Variants in TSPAN33 observed in about 807,000 individuals in gnomAD.
TSPAN33 encodes the protein tetraspanin 33.
A neutral mutation model predicts 34.8 loss-of-function variants in TSPAN33; 27 were observed. That is an observed-to-expected ratio of 0.78 (90% CI 0.57 to 1.07). TSPAN33 has a LOEUF of 1.07. Ranked by LOEUF, TSPAN33 falls within the 50% of genes least tolerant of loss-of-function variation. TSPAN33 has a pLI of 0.00. For synonymous variants in TSPAN33, 119 were observed against 124.2 expected (o/e 0.96, Z 0.28); for missense variants, 272 against 324.9 (o/e 0.84, Z 1.25).
intron 1 of TSPAN33, among the ~76,000 whole-genome samples, chr7:129,152,020 G>A (rs1488337284): frequency 1.3e-5 from 2 of 152,118 alleles, no homozygotes; most frequent in Non-Finnish European, 2.9e-5. Flanking sequence ...AATCCAAATC[G>A]AGGGACATTC....
chr7:129,155,104 G>A (rs1304258721), intron 1 of TSPAN33, among the ~76,000 whole-genome samples: 1 of 152,204 alleles, frequency 6.6e-6, no homozygotes, highest in Non-Finnish European at 1.5e-5. Context: ...CCTGTCATTC[G>A]TGACATAGAC....
At chr7:129,157,998 G>A (rs1792982627) in intron 1 of TSPAN33, among the ~76,000 whole-genome samples, 1 of 152,190 alleles carries the variant, frequency 6.6e-6, no homozygotes, top group East Asian at 1.9e-4. Flanking sequence ...CTAAAATACA[G>A]CAGCCCCGCA....
Position 129,167,766 on chromosome 7 carries a change from C to G in TSPAN33, c.751-7C>G. ...CTGAGTGCCCAATTCCTTCTTGCCT[C>G]TCCCAGCTGGTGGGAATTCTGCTGT... On this transcript the variant is annotated splice_polypyrimidine_tract_variant and splice_region_variant and intron_variant, in intron 7 of 7. Coordinates refer to ENST00000486685, the MANE Select transcript of TSPAN33 (RefSeq NM_178562.5). This position sits in a 1 kb window ranked among gnomAD's most constrained non-coding sequence, Gnocchi z 4.6. 1 of 1,613,988 alleles carries G rather than the reference C, an allele frequency of 6.2e-7. No individual in the cohort carries two copies. Among genetic ancestry groups the G allele is most frequent in the African/African-American group, 1.3e-5 (1 of 75,052 alleles).
chr7:129,150,372 C>G, intron 1 of TSPAN33, among the ~76,000 whole-genome samples: 1 of 152,190 alleles, frequency 6.6e-6, no homozygotes, highest in Non-Finnish European at 1.5e-5. Flanking sequence ...TCTTCCTTCC[C>G]CTGCCTGAAA....
rs1793203088 is a variant in TSPAN33 at position 129,169,641 on chromosome 7, C to G, written c.*1767C>G. ...CGCTGGGACCCTGGCCAGTGTTTAG[C>G]TCCCAACTAGTAACAGACGGAAAGA... On this transcript the variant is annotated 3_prime_UTR_variant, in exon 8 of 8. Transcript: ENST00000486685. 1 of 152,270 alleles carries G rather than the reference C, an allele frequency of 6.6e-6. No individual in the cohort carries two copies. The highest frequency in any genetic ancestry group is 1.5e-5 in the Non-Finnish European group (1 of 68,058). 9.4% of individuals were successfully genotyped at this position (152,270 alleles called of 1,614,324 possible).
intron 5 of TSPAN33, 171 bp downstream of exon 5, chr7:129,164,740 A>G (rs74858792): frequency 0.02 from 12,292 of 607,980 alleles, 163 homozygotes; most frequent in East Asian, 0.043. Context: ...GTACTTTTAA[A>G]GACACAGAAC....
Position 129,144,750 on chromosome 7 carries a change from G to A in TSPAN33, c.-231G>A, listed in dbSNP as rs1484428769. ...GGGCTGGTCCTGCGGCCGCGGGTGA[G>A]TCTCGTCCGCTCGCGCTGCCCACCG... On this transcript the variant is annotated 5_prime_UTR_variant, in exon 1 of 8. Transcript: ENST00000486685. The A allele has an allele frequency of 6.6e-6, 1 of 151,658 alleles. No individual in the cohort carries two copies. Among genetic ancestry groups the A allele is most frequent in the Non-Finnish European group, 1.5e-5 (1 of 67,976 alleles). The allele number at this position is 151,658 out of a possible 1,614,324, so 9.4% of individuals were successfully genotyped here.
At chr7:129,161,880 G>A in intron 2 of TSPAN33, 144 bp downstream of exon 2, 1 of 919,834 alleles carries the variant, frequency 1.1e-6, no homozygotes, top group Non-Finnish European at 1.7e-6. Flanking sequence ...CTACGTAGGT[G>A]TCAGACCCCC....
In TSPAN33 at chr7:129,167,693, G is replaced by C. The variant is rs1793163170; in HGVS notation, c.751-80G>C. 1 of 1,568,686 alleles carries C rather than the reference G, an allele frequency of 6.4e-7. No individual in the cohort carries two copies. The highest frequency in any genetic ancestry group is 1.7e-5 in the Admixed American group (1 of 59,590). On this transcript the variant is annotated intron_variant, in intron 7 of 7. Transcript: ENST00000486685. This position sits in a 1 kb window ranked among gnomAD's most constrained non-coding sequence, Gnocchi z 4.6. ...AGGGGTAGGGAAAGGGATAGTGCTG[G>C]CCGCACTGGGAAGATCGAGCCAGGG...
In TSPAN33 at chr7:129,160,861, C is replaced by A. The variant is rs148676998; in HGVS notation, c.103-818C>A. On this transcript the variant is annotated intron_variant, in intron 1 of 7. Coordinates refer to ENST00000486685, the MANE Select transcript of TSPAN33 (RefSeq NM_178562.5). The stretch of plus-strand genomic sequence containing the variant: ...TCAAAACTTTTCCATTTATGTGTGA[C>A]CCTGGGCAAGTTAACTATTAATAAT... Among the ~76,000 whole-genome samples the A allele has an allele frequency of 1.3e-3, 205 of 152,276 alleles. 1 individual carries two copies. Among genetic ancestry groups the A allele is most frequent in the African/African-American group, 4.7e-3 (197 of 41,544 alleles).
At position 129,155,636 on chromosome 7, in the gene TSPAN33, T is replaced by C. The variant is rs550315669; in HGVS notation, c.103-6043T>C. ...TTTGTTGTAATTAATAGTATTATCA[T>C]TATGGTCTACACTTTATTGGTTTTT... is the stretch of plus-strand genomic sequence containing the variant. On this transcript the variant is annotated intron_variant, in intron 1 of 7. Transcript: ENST00000486685. 4.2e-4 allele frequency among the ~76,000 whole-genome samples: 60 copies of C among 141,612 alleles called. No individual in the cohort carries two copies. In the South Asian group the frequency reaches 0.014, roughly 33 times the overall value. 92.9% of individuals were successfully genotyped at this position (141,612 alleles called of 152,430 possible).
intron 1 of TSPAN33, among the ~76,000 whole-genome samples, chr7:129,151,375 C>T (rs1810591597): frequency 6.6e-6 from 1 of 152,072 alleles, no homozygotes; most frequent in African/African-American, 2.4e-5. Context: ...TCACTTTGGC[C>T]TCCCAAAGTA....
At chr7:129,145,167 C>G in intron 1 of TSPAN33, 85 bp downstream of exon 1, 1 of 535,810 alleles carries the variant, frequency 1.9e-6, no homozygotes, top group Non-Finnish European at 3.4e-6. Flanking sequence ...CGCGCGGGAG[C>G]CGCACTGCCG....
chr7:129,158,292 C>T (rs1792986167), intron 1 of TSPAN33, among the ~76,000 whole-genome samples: 1 of 152,196 alleles, frequency 6.6e-6, no homozygotes, highest in African/African-American at 2.4e-5. Flanking sequence ...AAGACGTGGA[C>T]ATCTTTGAGG....
At position 129,148,608 on chromosome 7, in the gene TSPAN33, A is replaced by G. The variant is rs917407942; in HGVS notation, c.102+3526A>G. On this transcript the variant is annotated intron_variant, in intron 1 of 7. Transcript: ENST00000486685. The surrounding 1 kb of genome is among the most constrained non-coding windows in gnomAD (Gnocchi z 4.2). ...CCTTGAGCACTCTTGGTGATGAGGTACCCAACTGTGTTCTCCTCTGTGGTG... is the reference window on the plus strand; with the variant it reads ...CCTTGAGCACTCTTGGTGATGAGGTGCCCAACTGTGTTCTCCTCTGTGGTG... Among the ~76,000 whole-genome samples, 3 of 152,082 alleles carry G rather than the reference A, an allele frequency of 2.0e-5. No individual in the cohort carries two copies. The highest frequency in any genetic ancestry group is 2.9e-5 in the Non-Finnish European group (2 of 68,016).
rs150991223 is a variant in TSPAN33, at chr7:129,157,063, C to T, written c.103-4616C>T. Among the ~76,000 whole-genome samples, 63 of 152,290 alleles carry T rather than the reference C, an allele frequency of 4.1e-4. 2 individuals are homozygous for T. In the East Asian group the frequency reaches 0.012, roughly 29 times the overall value. ...CAAAGAAGAGAAATGTCTTTATCTC[C>T]ATCCTCATCGTGAAAGGAGGTCATT... On this transcript the variant is annotated intron_variant, in intron 1 of 7. Coordinates refer to ENST00000486685, the MANE Select transcript of TSPAN33 (RefSeq NM_178562.5).
chr7:129,147,314 T>G (rs938798605), intron 1 of TSPAN33, among the ~76,000 whole-genome samples: 7 of 152,162 alleles, frequency 4.6e-5, no homozygotes, highest in Non-Finnish European at 1.0e-4. Context: ...CAGTGAACTA[T>G]TTAAGGATGA....
At chr7:129,161,818 A>T in intron 2 of TSPAN33, 82 bp downstream of exon 2, 14 of 1,568,374 alleles carry the variant, frequency 8.9e-6, no homozygotes, top group Non-Finnish European at 1.2e-5. Context: ...GCCCTCACAC[A>T]TAAGCTATGG....
chr7:129,145,675 C>T lies in TSPAN33; in HGVS notation c.102+593C>T, dbSNP rs146069997. 4.8e-3 allele frequency among the ~76,000 whole-genome samples: 722 copies of T among 151,896 alleles called. 13 individuals carry two copies. Among genetic ancestry groups the T allele is most frequent in the African/African-American group, 0.017 (690 of 41,396 alleles). ...CACCCTTCTCAGGACCAGACTTCAC[C>T]CCTGGAGCCTGGCAATCACCAGTGT... On this transcript the variant is annotated intron_variant, in intron 1 of 7. Transcript: ENST00000486685.
Sources: gnomAD v4.1 joint callset for allele counts (sites outside exome capture counted in the v4.1 genomes callset) on GRCh38, gnomAD v4.1.1 for gene constraint, Gnocchi (gnomAD v3.1) non-coding constraint, MANE v1.5 for transcripts, NCBI Gene and HGNC (gene_info 2026-07-23, HGNC 2026-07-21) for gene names.